ATP5PO: variants seen among roughly 807,000 people sequenced by gnomAD.
ATP5PO encodes ATP synthase peripheral stalk subunit OSCP, mitochondrial.
A neutral mutation model predicts 26.2 loss-of-function variants in ATP5PO; 14 were observed. The ratio of observed to expected loss-of-function variants is 0.53; its 90% CI spans 0.35 to 0.83. ATP5PO has a LOEUF of 0.83. ATP5PO is among the 40% of genes least tolerant of loss of function. The probability of loss-of-function intolerance (pLI) is 0.01; values close to 1 mark genes in which losing one functional copy is unlikely to be tolerated. For missense variants in ATP5PO, 241 were observed against 258.5 expected, an observed-to-expected ratio of 0.93 and a Z score of 0.46; for synonymous variants, 106 against 95.1, an observed-to-expected ratio of 1.12 and a Z score of -0.67.
intron 1 of ATP5PO, chr21:33,915,520 G>A (rs1987302147): frequency 4.4e-6 from 3 of 680,152 alleles, no homozygotes; most frequent in East Asian, 6.5e-5. Context: ...CAAGGTTACG[G>A]CACGCGCAGC....
Position 33,903,925 on chromosome 21 carries a change from T to A in ATP5PO, c.528+10A>T. 1 of 1,595,110 alleles carries A rather than the reference T, an allele frequency of 6.3e-7. No homozygotes were observed. The highest frequency in any genetic ancestry group is 8.6e-7 in the Non-Finnish European group (1 of 1,169,458). ...CCGAGAAAACGTACCATAAATAATT[T>A]AAAACCTACCTTAGCCTCCAATTTC... On this transcript the variant is annotated intron_variant, in intron 6 of 6. Coordinates refer to ENST00000290299, the MANE Select transcript of ATP5PO (RefSeq NM_001697.3).
At position 33,903,605 on chromosome 21, in the gene ATP5PO, C is replaced by A. The variant is rs370720184; in HGVS notation, c.563G>T (p.Arg188Leu). 15 of 1,614,102 alleles carry A rather than the reference C, an allele frequency of 9.3e-6. No individual in the cohort carries two copies. Among genetic ancestry groups the A allele is most frequent in the Middle Eastern group, 1.6e-4 (1 of 6,062 alleles). ...DPSILGGMIV[R>L]IGEKYVDMSV... Reference sequence around the variant, plus strand: ...CATGTCAACATATTTCTCGCCAATGCGCACAATCATTCCACCCAAGATTGA... The same window carrying A: ...CATGTCAACATATTTCTCGCCAATGAGCACAATCATTCCACCCAAGATTGA... Residue 188 changes from arginine to leucine, a missense_variant, in exon 7 of 7, where the codon CGC (arginine) becomes CTC (leucine). Arg to Leu is a moderately radical substitution (Grantham distance 102). This residue lies in a region of ATP5PO where 77 missense variants were observed against 74.5 expected (regional missense o/e 1.03). Transcript: ENST00000290299.
chr21:33,915,319 A>C (rs1488122198), intron 1 of ATP5PO: 2 of 198,890 alleles, frequency 1.0e-5, no homozygotes, highest in Non-Finnish European at 2.0e-5. Flanking sequence ...TATTTATAAA[A>C]CTGTGAAATG....
rs1415998738 is a variant in ATP5PO, at chr21:33,915,781, T to G, written c.-18A>C. The stretch of plus-strand genomic sequence containing the variant: ...GCAGCCATCTTCTCCCGGGCGGCTG[T>G]AGGTCAAACCCGAGTGGGAAGAGAG... On this transcript the variant is annotated 5_prime_UTR_variant, in exon 1 of 7. Transcript: ENST00000290299. The G allele has an allele frequency of 1.9e-6, 3 of 1,564,818 alleles. No individual in the cohort carries two copies. Among genetic ancestry groups the G allele is most frequent in the Non-Finnish European group, 2.6e-6 (3 of 1,155,544 alleles).
chr21:33,906,330 G>C, intron 5 of ATP5PO: 1 of 241,118 alleles, frequency 4.1e-6, no homozygotes. Flanking sequence ...AGTTACATAG[G>C]GAAGAAAATA....
intron 5 of ATP5PO, among the ~76,000 whole-genome samples, chr21:33,905,937 A>AAAAAAAAAAAAAAAAAAAACAAAAC (rs1987166465): frequency 6.6e-6 from 1 of 151,194 alleles, no homozygotes; most frequent in Non-Finnish European, 1.5e-5. Flanking sequence ...AAAAAAAAAA[A>AAAAAAAAAAAAAAAAAAAACAAAAC]AGAAAATCAT....
At chr21:33,906,001 G>A (rs573594361) in intron 5 of ATP5PO, among the ~76,000 whole-genome samples, 8 of 151,336 alleles carry the variant, frequency 5.3e-5, no homozygotes, top group Admixed American at 2.0e-4. Flanking sequence ...ATGGGTGACC[G>A]TGGGGCAGGT....
chr21:33,910,371 T>A (rs1987232035), intron 3 of ATP5PO, among the ~76,000 whole-genome samples: 1 of 152,194 alleles, frequency 6.6e-6, no homozygotes, highest in Non-Finnish European at 1.5e-5. Context: ...TAAAGCATTC[T>A]GGAATTTGGG....
At chr21:33,903,841 TAG>T in intron 6 of ATP5PO, 92 bp downstream of exon 6, 1 of 1,194,374 alleles carries the variant, frequency 8.4e-7, no homozygotes, top group Non-Finnish European at 1.2e-6. Flanking sequence ...AAAATTAGTA[TAG>T]AGTTAGATCT....
intron 5 of ATP5PO, among the ~76,000 whole-genome samples, chr21:33,904,697 A>G (rs576888604): frequency 2.4e-4 from 37 of 152,296 alleles, no homozygotes; most frequent in African/African-American, 8.7e-4. Context: ...TAGTTATGTT[A>G]TAGTGTTAAG....
At position 33,903,598 on chromosome 21, in the gene ATP5PO, G is replaced by A. The variant is rs772991921; in HGVS notation, c.570C>T (p.Gly190=). 1.2e-6 allele frequency: 2 copies of A among 1,614,028 alleles called. No homozygotes were observed. Among genetic ancestry groups the A allele is most frequent in the Non-Finnish European group, 1.7e-6 (2 of 1,179,994 alleles). ...SILGGMIVRI[G]EKYVDMSVKT... The stretch of plus-strand genomic sequence containing the variant: ...TGACAGACATGTCAACATATTTCTC[G>A]CCAATGCGCACAATCATTCCACCCA... The change falls in exon 7 of 7, where the codon GGC becomes GGT. Residue 190 remains glycine, a synonymous_variant. Coordinates refer to ENST00000290299, the MANE Select transcript of ATP5PO (RefSeq NM_001697.3).
intron 4 of ATP5PO, 87 bp from the exon 5 acceptor site, chr21:33,907,540 T>A: frequency 8.5e-7 from 1 of 1,175,778 alleles, no homozygotes; most frequent in South Asian, 1.3e-5. Context: ...AAAACAAACT[T>A]AGATTTGTGG....
At chr21:33,911,930 C>G (rs1166823141) in intron 3 of ATP5PO, among the ~76,000 whole-genome samples, 1 of 152,166 alleles carries the variant, frequency 6.6e-6, no homozygotes, top group Non-Finnish European at 1.5e-5. Context: ...TCCCAAAGTA[C>G]TGGGATTACA....
intron 5 of ATP5PO, 30 bp downstream of exon 5, chr21:33,907,311 C>T (rs772549389): frequency 6.4e-7 from 1 of 1,559,538 alleles, no homozygotes; most frequent in Non-Finnish European, 8.8e-7. Flanking sequence ...AATATCAAGG[C>T]AAACACAGCA....
intron 1 of ATP5PO, chr21:33,915,035 TCACA>T (rs1987296520): frequency 6.5e-6 from 1 of 153,332 alleles, no homozygotes; most frequent in Non-Finnish European, 1.5e-5. Flanking sequence ...AGCGCACAGG[TCACA>T]GATCACAGGT....
At chr21:33,905,790 G>C (rs1987161230) in intron 5 of ATP5PO, among the ~76,000 whole-genome samples, 1 of 151,770 alleles carries the variant, frequency 6.6e-6, no homozygotes, top group Non-Finnish European at 1.5e-5. Context: ...GGCAGGTGCT[G>C]TAGTCCAGCT....
At chr21:33,905,322 T>C (rs912533958) in intron 5 of ATP5PO, among the ~76,000 whole-genome samples, 35 of 151,904 alleles carry the variant, frequency 2.3e-4, no homozygotes, top group Non-Finnish European at 4.9e-4. Context: ...GCCTACTATC[T>C]CCCTTCATGT....
chr21:33,905,510 C>T (rs1237647772), intron 5 of ATP5PO, among the ~76,000 whole-genome samples: 5 of 152,182 alleles, frequency 3.3e-5, no homozygotes, highest in East Asian at 1.9e-4. Context: ...CAAGACATAA[C>T]GTTTTTCAAA....
chr21:33,915,589 C>A (rs1424789719), intron 1 of ATP5PO, 139 bp downstream of exon 1: 15 of 1,313,112 alleles, frequency 1.1e-5, no homozygotes, highest in Middle Eastern at 3.7e-4. Flanking sequence ...TCCTGAGTCG[C>A]TCCCACTCGC....
Sources: allele counts gnomAD v4.1 joint callset (sites outside exome capture counted in the v4.1 genomes callset), GRCh38; gene constraint gnomAD v4.1.1; regional missense constraint gnomAD v4.1.1; transcripts MANE v1.5; gene names NCBI Gene and HGNC (gene_info 2026-07-23, HGNC 2026-07-21).